Variants in DCC observed in about 807,000 individuals in gnomAD.
DCC encodes the protein netrin receptor DCC.
Under a neutral mutation model 172.5 loss-of-function variants are expected in DCC, and 58 were observed. The observed-to-expected ratio is 0.34, with a 90% CI of 0.27 to 0.42. The LOEUF is 0.42. Among genes scored for constraint, DCC ranks in the 10% least tolerant of loss-of-function variants. DCC has a pLI of 1.00. For missense variants in DCC, 1,740 were observed against 1,791.0 expected (o/e 0.97, Z 0.51); for synonymous variants, 709 against 644.5 (o/e 1.10, Z -1.52).
chr18:52,812,947 A>G (rs1375866337), intron 2 of DCC, among the ~76,000 whole-genome samples: 2 of 152,224 alleles, frequency 1.3e-5, no homozygotes, highest in East Asian at 3.8e-4. Flanking sequence ...CAGAAACCCT[A>G]GTCTCCCAAA....
chr18:53,339,616 CATCT>C, intron 14 of DCC, 93 bp from the exon 15 acceptor site: 1 of 889,392 alleles, frequency 1.1e-6, no homozygotes, highest in South Asian at 1.3e-5. Context: ...ATTATTTATG[CATCT>C]ATGAAATATG....
intron 1 of DCC, among the ~76,000 whole-genome samples, chr18:52,444,747 T>C (rs28599639): frequency 4.1e-4 from 62 of 152,256 alleles, no homozygotes; most frequent in African/African-American, 1.4e-3. Context: ...TTCGGAGTAA[T>C]CATCTCAAAA....
intron 5 of DCC, among the ~76,000 whole-genome samples, chr18:53,014,536 A>C (rs933873614): frequency 7.0e-6 from 1 of 143,192 alleles, no homozygotes; most frequent in African/African-American, 2.6e-5. Flanking sequence ...GAGAACATGC[A>C]GTGTTTGGTT....
intron 1 of DCC, among the ~76,000 whole-genome samples, chr18:52,483,397 GT>G (rs2030053135): frequency 6.6e-6 from 1 of 151,960 alleles, no homozygotes; most frequent in Non-Finnish European, 1.5e-5. Context: ...TTCTCCAATA[GT>G]TGGAGAAAAA....
At chr18:53,044,503 T>C (rs756989348) in intron 5 of DCC, among the ~76,000 whole-genome samples, 25 of 151,908 alleles carry the variant, frequency 1.6e-4, no homozygotes, top group Non-Finnish European at 1.6e-4. Flanking sequence ...GTACATAAAA[T>C]ATAAGGCATG....
intron 1 of DCC, among the ~76,000 whole-genome samples, chr18:52,351,953 A>T (rs997661072): frequency 2.6e-5 from 4 of 152,244 alleles, no homozygotes; most frequent in Middle Eastern, 3.4e-3. Context: ...TGTTGCAAAG[A>T]TTGTTGCTAC....
chr18:52,727,069 C>A (rs2036562191), intron 1 of DCC, among the ~76,000 whole-genome samples: 1 of 152,052 alleles, frequency 6.6e-6, no homozygotes. Flanking sequence ...AAAGCCAGTT[C>A]TTGAATATGA....
intron 2 of DCC, among the ~76,000 whole-genome samples, chr18:52,847,787 C>T (rs1039149801): frequency 5.9e-5 from 9 of 152,164 alleles, no homozygotes; most frequent in African/African-American, 2.2e-4. Flanking sequence ...TAGTGTGAAG[C>T]AATCTGAAAG....
At chr18:52,823,731 T>G (rs1053044974) in intron 2 of DCC, among the ~76,000 whole-genome samples, 15 of 152,344 alleles carry the variant, frequency 9.8e-5, no homozygotes, top group African/African-American at 2.9e-4. Flanking sequence ...ATTTTCATAC[T>G]TGGTGTCTGT....
intron 5 of DCC, among the ~76,000 whole-genome samples, chr18:52,927,099 G>GTATATATACACGTATA (rs369962995): frequency 2.0e-5 from 1 of 49,676 alleles, no homozygotes; most frequent in African/African-American, 7.1e-5. Flanking sequence ...GTATATACGT[G>GTATATATACACGTATA]TATATACACG....
At chr18:52,346,944 T>G (rs1441191499) in intron 1 of DCC, among the ~76,000 whole-genome samples, 1 of 152,200 alleles carries the variant, frequency 6.6e-6, no homozygotes, top group Non-Finnish European at 1.5e-5. Context: ...AGGAAGACCC[T>G]TTAAAACCAT....
At chr18:53,068,366 A>T (rs2042603545) in intron 7 of DCC, among the ~76,000 whole-genome samples, 1 of 150,260 alleles carries the variant, frequency 6.7e-6, no homozygotes, top group Admixed American at 6.7e-5. Flanking sequence ...GCACCCATTA[A>T]CTCGTCATTT....
At chr18:52,799,456 G>A (rs1314730689) in intron 2 of DCC, among the ~76,000 whole-genome samples, 1 of 152,198 alleles carries the variant, frequency 6.6e-6, no homozygotes, top group Non-Finnish European at 1.5e-5. Flanking sequence ...AAAAAGGGAA[G>A]ATCTGTGACT....
chr18:53,475,269 C>T (rs2045748403), intron 25 of DCC, among the ~76,000 whole-genome samples: 2 of 152,224 alleles, frequency 1.3e-5, no homozygotes, highest in Non-Finnish European at 2.9e-5. Context: ...TTGAAGCTGG[C>T]TGCAGAAATT....
chr18:53,474,260 G>A (rs774705669), intron 25 of DCC, among the ~76,000 whole-genome samples: 16 of 151,998 alleles, frequency 1.1e-4, no homozygotes, highest in Non-Finnish European at 1.9e-4. Context: ...TTCATATAGT[G>A]GAGTACAATG....
At chr18:53,351,383 A>AGTATATATATACACT (rs2057801938) in intron 15 of DCC, among the ~76,000 whole-genome samples, 1 of 35,090 alleles carries the variant, frequency 2.8e-5, no homozygotes, top group African/African-American at 1.0e-4. Context: ...ATATATATAC[A>AGTATATATATACACT]GTATATATAT....
intron 1 of DCC, among the ~76,000 whole-genome samples, chr18:52,472,453 G>A (rs1205934848): frequency 6.6e-6 from 1 of 152,166 alleles, no homozygotes; most frequent in Non-Finnish European, 1.5e-5. Flanking sequence ...GAGTACGTTT[G>A]TCTTTGCCAT....
At chr18:53,189,799 G>C (rs2055338910) in intron 9 of DCC, among the ~76,000 whole-genome samples, 1 of 152,196 alleles carries the variant, frequency 6.6e-6, no homozygotes, top group African/African-American at 2.4e-5. Context: ...AACAGATTTT[G>C]CTGAAGGTGC....
intron 7 of DCC, among the ~76,000 whole-genome samples, chr18:53,075,536 T>C (rs921059768): frequency 6.9e-6 from 1 of 145,418 alleles, no homozygotes; most frequent in Non-Finnish European, 1.5e-5. Flanking sequence ...TACCAGAGTG[T>C]TATCCCATTT....
Sources: gnomAD v4.1 joint callset for allele counts (sites outside exome capture counted in the v4.1 genomes callset) on GRCh38, gnomAD v4.1.1 for gene constraint, MANE v1.5 for transcripts, NCBI Gene and HGNC (gene_info 2026-07-23, HGNC 2026-07-21) for gene names.